Variants in DTNB observed in about 807,000 individuals in gnomAD.
DTNB encodes the protein DTN-B.
Under a neutral mutation model 90.7 loss-of-function variants are expected in DTNB, and 63 were observed. That is an observed-to-expected ratio of 0.69 (90% confidence interval 0.57 to 0.86). DTNB has a LOEUF of 0.86. DTNB is among the 40% of genes least tolerant of loss of function. The pLI is 0.00. For missense variants in DTNB, 744 were observed against 807.1 expected (o/e 0.92, Z 0.95); for synonymous variants, 277 against 286.7 (o/e 0.97, Z 0.34).
chr2:25,524,426 G>A (rs926576947), intron 9 of DTNB, among the ~76,000 whole-genome samples: 4 of 150,008 alleles, frequency 2.7e-5, no homozygotes, highest in East Asian at 1.9e-4. Flanking sequence ...TTTTGGTGGG[G>A]GGGGTGGTCT....
At chr2:25,541,797 T>C (rs1018807386) in intron 8 of DTNB, among the ~76,000 whole-genome samples, 2 of 152,202 alleles carry the variant, frequency 1.3e-5, no homozygotes, top group Admixed American at 6.5e-5. Flanking sequence ...TGCTGGATTA[T>C]ATGGTAGTTT....
At chr2:25,662,942 C>T (rs1277618381) in intron 1 of DTNB, among the ~76,000 whole-genome samples, 2 of 152,064 alleles carry the variant, frequency 1.3e-5, no homozygotes, top group Admixed American at 6.6e-5. Flanking sequence ...ATGTGCAGAA[C>T]GTGCAGGCTT....
intron 10 of DTNB, 137 bp from the exon 11 acceptor site, chr2:25,455,631 C>T: frequency 1.4e-6 from 1 of 696,358 alleles, no homozygotes; most frequent in Non-Finnish European, 2.4e-6. Flanking sequence ...CAATAAAAAA[C>T]CCACAATGCA....
At chr2:25,548,325 TTAA>T (rs1440755100) in intron 8 of DTNB, among the ~76,000 whole-genome samples, 2 of 152,198 alleles carry the variant, frequency 1.3e-5, no homozygotes, top group Non-Finnish European at 2.9e-5. Flanking sequence ...TTCCAGTCAT[TTAA>T]TTTTGTTAAT....
intron 8 of DTNB, among the ~76,000 whole-genome samples, chr2:25,571,374 A>G (rs1226222927): frequency 6.6e-6 from 1 of 152,170 alleles, no homozygotes; most frequent in Admixed American, 6.5e-5. Flanking sequence ...AAAACCCTAT[A>G]AAGACTCCTC....
At chr2:25,581,320 T>A (rs890185124) in intron 6 of DTNB, among the ~76,000 whole-genome samples, 3 of 152,118 alleles carry the variant, frequency 2.0e-5, no homozygotes, top group Admixed American at 6.5e-5. Flanking sequence ...ATTGAAAAGA[T>A]AATAATAATA....
At chr2:25,468,499 C>T (rs924293989) in intron 10 of DTNB, among the ~76,000 whole-genome samples, 5 of 152,116 alleles carry the variant, frequency 3.3e-5, no homozygotes, top group Admixed American at 6.6e-5. Context: ...ACAAAACGAC[C>T]GAGGGCCAAA....
At chr2:25,581,557 TA>T (rs2061555941) in intron 6 of DTNB, among the ~76,000 whole-genome samples, 1 of 152,214 alleles carries the variant, frequency 6.6e-6, no homozygotes, top group Admixed American at 6.5e-5. Flanking sequence ...TTTTAACAAA[TA>T]TATAGTAAGC....
chr2:25,671,739 T>TA (rs770103765), intron 1 of DTNB, among the ~76,000 whole-genome samples: 2 of 152,142 alleles, frequency 1.3e-5, no homozygotes, highest in African/African-American at 4.8e-5. Flanking sequence ...CAATTCCACT[T>TA]ATGCATGATA....
At chr2:25,649,243 G>A (rs576520109) in intron 2 of DTNB, among the ~76,000 whole-genome samples, 20 of 151,964 alleles carry the variant, frequency 1.3e-4, no homozygotes, top group Non-Finnish European at 2.2e-4. Flanking sequence ...CTGATCTCAC[G>A]ACCCGCCTGC....
intron 9 of DTNB, among the ~76,000 whole-genome samples, chr2:25,500,691 T>C (rs569348801): frequency 1.3e-5 from 2 of 152,084 alleles, no homozygotes; most frequent in South Asian, 4.1e-4. Context: ...TACAAGGTAG[T>C]AGAGTGAGCA....
At chr2:25,528,482 C>A (rs1274367517) in intron 9 of DTNB, among the ~76,000 whole-genome samples, 2 of 152,004 alleles carry the variant, frequency 1.3e-5, no homozygotes, top group African/African-American at 4.8e-5. Context: ...AGGGAAGACA[C>A]AAAGCAGTCA....
At chr2:25,593,326 C>G (rs371274824) in intron 6 of DTNB, among the ~76,000 whole-genome samples, 1 of 152,184 alleles carries the variant, frequency 6.6e-6, no homozygotes, top group Admixed American at 6.5e-5. Context: ...GACGTAAGAG[C>G]TGATTCTCAT....
chr2:25,496,933 AAC>A (rs1411046021), intron 9 of DTNB, among the ~76,000 whole-genome samples: 1 of 152,194 alleles, frequency 6.6e-6, no homozygotes, highest in Non-Finnish European at 1.5e-5. Context: ...GCCAAAAATA[AAC>A]ACAATCATCA....
chr2:25,516,357 C>A (rs1042141644), intron 9 of DTNB, among the ~76,000 whole-genome samples: 7 of 152,028 alleles, frequency 4.6e-5, no homozygotes, highest in Admixed American at 1.3e-4. Flanking sequence ...AGTCATCCTT[C>A]TACCTCAGCC....
At chr2:25,484,161 T>C (rs1466111273) in intron 9 of DTNB, among the ~76,000 whole-genome samples, 1 of 152,250 alleles carries the variant, frequency 6.6e-6, no homozygotes, top group African/African-American at 2.4e-5. Context: ...TTTGTGTAAG[T>C]ACACTCTCTG....
rs115085276 is a variant in DTNB, at chr2:25,526,055, C to T, written c.1001+5418G>A. ...AAACTAAGCAGAAAGCCCCTGAGCT[C>T]AGGAGCCCCAGGTGGAGGCAGGGGT... On this transcript the variant is annotated intron_variant, in intron 9 of 20. Coordinates refer to ENST00000406818, the MANE Select transcript of DTNB (RefSeq NM_021907.5). Among the ~76,000 whole-genome samples, 312 of 152,166 alleles carry T rather than the reference C, an allele frequency of 2.1e-3. 2 individuals are homozygous for T. Among genetic ancestry groups the T allele is most frequent in the African/African-American group, 7.2e-3 (300 of 41,512 alleles).
In DTNB at chr2:25,528,223, A is replaced by C. The variant is rs2077517777; in HGVS notation, c.1001+3250T>G. Reference sequence around the variant, plus strand: ...TTCAGCATCCATTCATGACAAAAAGAAAGCATTTTTATTTCTAGCAAACTA... The same window carrying C: ...TTCAGCATCCATTCATGACAAAAAGCAAGCATTTTTATTTCTAGCAAACTA... On this transcript the variant is annotated intron_variant, in intron 9 of 20. Coordinates refer to ENST00000406818, the MANE Select transcript of DTNB (RefSeq NM_021907.5). Among the ~76,000 whole-genome samples, 3 of 152,218 alleles carry C rather than the reference A, an allele frequency of 2.0e-5. No homozygotes were observed. The South Asian group carries it at 6.2e-4, about 31-fold the overall frequency.
chr2:25,608,537 C>A (rs961760502), intron 4 of DTNB, among the ~76,000 whole-genome samples: 3 of 152,150 alleles, frequency 2.0e-5, no homozygotes, highest in African/African-American at 7.2e-5. Context: ...GCTCCATGTA[C>A]AAAGCAATAT....
Sources: allele counts gnomAD v4.1 joint callset (sites outside exome capture counted in the v4.1 genomes callset), GRCh38; gene constraint gnomAD v4.1.1; transcripts MANE v1.5; gene names NCBI Gene and HGNC (gene_info 2026-07-23, HGNC 2026-07-21).